The following TBR1 variants were observed in gnomAD, a reference collection of about 807,000 sequenced individuals.
The protein encoded by TBR1 is T-box brain transcription factor 1.
TBR1 carries 7 observed loss-of-function variants against 60.3 expected under a neutral mutation model. The ratio of observed to expected loss-of-function variants is 0.12; its 90% CI spans 0.07 to 0.22. The LOEUF (loss-of-function observed/expected upper bound fraction) is 0.22, where lower values mean the gene tolerates loss of function less well. Among genes scored for constraint, TBR1 ranks in the 10% least tolerant of loss-of-function variants. The probability of loss-of-function intolerance (pLI) is 1.00; values close to 1 mark genes in which losing one functional copy is unlikely to be tolerated. For synonymous variants in TBR1, 417 were observed against 409.9 expected (o/e 1.02, Z -0.21); for missense variants, 616 against 936.8 (o/e 0.66, Z 4.47).
rs1574148619 is a variant in TBR1, at chr2:161,416,300, T to C, written c.-111T>C. On this transcript the variant is annotated 5_prime_UTR_variant, in exon 1 of 6. Coordinates refer to ENST00000389554, the MANE Select transcript of TBR1 (RefSeq NM_006593.4). This position sits in a 1 kb window ranked among gnomAD's most constrained non-coding sequence, Gnocchi z 6.1. ...GTAAATCAAACCTTTGAGAAGCATT[T>C]GCTGGTTGAAGTGCTTTCTGTCTAG... is the stretch of plus-strand genomic sequence containing the variant. 6 of 880,378 alleles carry C rather than the reference T, an allele frequency of 6.8e-6. No individual in the cohort carries two copies. Among genetic ancestry groups the C allele is most frequent in the East Asian group, 2.5e-5 (1 of 40,528 alleles). 54.5% of individuals were successfully genotyped at this position (880,378 alleles called of 1,614,324 possible).
rs888255357 is a variant in TBR1 at position 161,424,322 on chromosome 2, G to T, written c.*95G>T. On this transcript the variant is annotated 3_prime_UTR_variant, in exon 6 of 6. Transcript: ENST00000389554. This position sits in a 1 kb window ranked among gnomAD's most constrained non-coding sequence, Gnocchi z 4.4. ...TCCGCCTCCCCACACTCCTCCTTGC[G>T]CACCCACTCATTTTATTTGACCCTC... is the stretch of plus-strand genomic sequence containing the variant. 7 of 1,326,602 alleles carry T rather than the reference G, an allele frequency of 5.3e-6. No individual in the cohort carries two copies. Among genetic ancestry groups the T allele is most frequent in the Non-Finnish European group, 7.1e-6 (7 of 981,858 alleles). The allele number at this position is 1,326,602 out of a possible 1,614,324, so 82.2% of individuals were successfully genotyped here.
At chr2:161,420,316 G>A in intron 5 of TBR1, 59 bp downstream of exon 5, 3 of 1,430,856 alleles carry the variant, frequency 2.1e-6, no homozygotes, top group Non-Finnish European at 2.9e-6. Context: ...TAGGTCAAAG[G>A]TGTATTATTA....
At position 161,416,517 on chromosome 2, in the gene TBR1, A is replaced by G. The variant is rs1286230789; in HGVS notation, c.107A>G (p.Asp36Gly). 3 of 1,614,140 alleles carry G rather than the reference A, an allele frequency of 1.9e-6. No homozygotes were observed. Among genetic ancestry groups the G allele is most frequent in the Non-Finnish European group, 2.5e-6 (3 of 1,180,038 alleles). Residue 36 changes from aspartate to glycine, a missense_variant, in exon 1 of 6, where the codon GAT (aspartate) becomes GGT (glycine). Around this residue, in one of 8 missense-constraint regions of TBR1, gnomAD observed 211 missense variants for 268.7 expected, o/e 0.79. Transcript: ENST00000389554. This position sits in a 1 kb window ranked among gnomAD's most constrained non-coding sequence, Gnocchi z 6.1. ...GGCGGATCCGAGCTTGTCTTGCACG[A>G]TCATCCCATTATCTCGACCACTGAC... ...HSGGSELVLH[D>G]HPIISTTDNL...
chr2:161,417,548 A>C lies in TBR1; in HGVS notation c.693-128A>C, dbSNP rs1173546685. On this transcript the variant is annotated intron_variant, in intron 1 of 5. Transcript: ENST00000389554. The surrounding 1 kb of genome is among the most constrained non-coding windows in gnomAD (Gnocchi z 5.3). ...CCACCACCCTTTTTCTAATCCAGCA[A>C]ATATTCGCCTATTTGCTGCAAGTAC... is the stretch of plus-strand genomic sequence containing the variant. 8.2e-7 allele frequency: 1 copy of C among 1,214,080 alleles called. No homozygotes were observed. The highest frequency in any genetic ancestry group is 1.2e-6 in the Non-Finnish European group (1 of 866,928). The allele number at this position is 1,214,080 out of a possible 1,614,324, so 75.2% of individuals were successfully genotyped here.
chr2:161,417,364 G>T lies in TBR1; in HGVS notation c.692+262G>T. 1.8e-6 allele frequency: 1 copy of T among 561,356 alleles called. No individual in the cohort carries two copies. The highest frequency in any genetic ancestry group is 3.1e-6 in the Non-Finnish European group (1 of 322,884). The allele number at this position is 561,356 out of a possible 1,614,324, so 34.8% of individuals were successfully genotyped here. ...AGAAAAAGGAAGAGCCCTGGCCAGC[G>T]GCTGGGCGATGGGAGGGACGCATCA... On this transcript the variant is annotated intron_variant, in intron 1 of 5. Transcript: ENST00000389554. The surrounding 1 kb of genome is among the most constrained non-coding windows in gnomAD (Gnocchi z 5.3).
Position 161,420,183 on chromosome 2 carries a change from T to C in TBR1, c.1129-13T>C. 6.2e-7 allele frequency: 1 copy of C among 1,611,754 alleles called. No individual in the cohort carries two copies. Among genetic ancestry groups the C allele is most frequent in the Non-Finnish European group, 8.5e-7 (1 of 1,178,582 alleles). ...TAAAAGGTGAGATAACATTCATTTT[T>C]TTTCTTTGCCAGATTACACAACTGA... is the stretch of plus-strand genomic sequence containing the variant. On this transcript the variant is annotated splice_polypyrimidine_tract_variant and intron_variant, in intron 4 of 5. Transcript: ENST00000389554.
At position 161,417,334 on chromosome 2, in the gene TBR1, A is replaced by C. The variant is rs867561969; in HGVS notation, c.692+232A>C. ...GGAGAGCCAGTCAGTGGCCAGAGGA[A>C]GGCAAGAAAAAGGAAGAGCCCTGGC... is the stretch of plus-strand genomic sequence containing the variant. On this transcript the variant is annotated intron_variant, in intron 1 of 5. Transcript: ENST00000389554. The surrounding 1 kb of genome is among the most constrained non-coding windows in gnomAD (Gnocchi z 5.3). The C allele has an allele frequency of 4.8e-5, 28 of 583,128 alleles. No individual in the cohort carries two copies. The Middle Eastern group carries it at 1.4e-3, about 29-fold the overall frequency. 36.1% of individuals were successfully genotyped at this position (583,128 alleles called of 1,614,324 possible).
intron 5 of TBR1, 186 bp from the exon 6 acceptor site, chr2:161,423,183 A>G: frequency 2.2e-6 from 1 of 445,352 alleles, no homozygotes; most frequent in Non-Finnish European, 3.9e-6. Context: ...TCCGTGATTT[A>G]TTTTGGGAAT....
At position 161,416,747 on chromosome 2, in the gene TBR1, C is replaced by G. The variant is rs2105278332; in HGVS notation, c.337C>G (p.Pro113Ala). ...DRYLLSQSSQ[P>A]QSAATAPSAM... ...CTACCTCCTCTCTCAGTCCAGCCAG[C>G]CACAGTCTGCGGCCACTGCTCCCAG... Residue 113 changes from proline (P) to alanine (A), a missense_variant, in exon 1 of 6, where the codon CCA (proline) becomes GCA (alanine). Physicochemically the swap from Pro to Ala is conservative, Grantham distance 27. Coordinates refer to ENST00000389554, the MANE Select transcript of TBR1 (RefSeq NM_006593.4). The surrounding 1 kb of genome is among the most constrained non-coding windows in gnomAD (Gnocchi z 6.1). 1 of 1,614,184 alleles carries G rather than the reference C, an allele frequency of 6.2e-7. No homozygotes were observed. The highest frequency in any genetic ancestry group is 8.5e-7 in the Non-Finnish European group (1 of 1,180,028).
chr2:161,417,341 A>G lies in TBR1; in HGVS notation c.692+239A>G, dbSNP rs1194756176. The G allele has an allele frequency of 1.7e-6, 1 of 575,526 alleles. No individual in the cohort carries two copies. The allele number at this position is 575,526 out of a possible 1,614,324, so 35.7% of individuals were successfully genotyped here. A position where few individuals can be genotyped will look rare whatever the true frequency, so the allele number is the denominator to read the frequency against. ...CAGTCAGTGGCCAGAGGAAGGCAAG[A>G]AAAAGGAAGAGCCCTGGCCAGCGGC... On this transcript the variant is annotated intron_variant, in intron 1 of 5. Coordinates refer to ENST00000389554, the MANE Select transcript of TBR1 (RefSeq NM_006593.4). The surrounding 1 kb of genome is among the most constrained non-coding windows in gnomAD (Gnocchi z 5.3).
At chr2:161,423,339 G>GCT (rs139857158) in intron 5 of TBR1, 30 bp from the exon 6 acceptor site, 1,352 of 1,040,596 alleles carry the variant, frequency 1.3e-3, no homozygotes, top group South Asian at 1.9e-3. Context: ...CCACCCCTCG[G>GCT]CTCTCTCTCT....
chr2:161,419,369 T>TA (rs3835937), intron 4 of TBR1: 42 of 196,468 alleles, frequency 2.1e-4, no homozygotes, highest in Middle Eastern at 1.8e-3. Flanking sequence ...AAATCTACTT[T>TA]AAAAAAAAAT....
chr2:161,423,806 C>T lies in TBR1; in HGVS notation c.1628C>T (p.Ser543Leu). ...CCGCTCGGCTACTACGCCGACCCGT[C>T]GGGCTGGGGCGCCCGCAGTCCCCCG... ...GRPLGYYADP[S>L]GWGARSPPQY... Residue 543 changes from serine to leucine, a missense_variant, in exon 6 of 6, where the codon TCG (serine) becomes TTG (leucine). Coordinates refer to ENST00000389554, the MANE Select transcript of TBR1 (RefSeq NM_006593.4). 1 of 1,475,600 alleles carries T rather than the reference C, an allele frequency of 6.8e-7. No homozygotes were observed. The highest frequency in any genetic ancestry group is 8.9e-7 in the Non-Finnish European group (1 of 1,118,208). The allele number at this position is 1,475,600 out of a possible 1,614,324, so 91.4% of individuals were successfully genotyped here.
chr2:161,416,950 C>T lies in TBR1; in HGVS notation c.540C>T (p.Tyr180=), dbSNP rs768381626. Residue 180 remains tyrosine (Y), a synonymous_variant, in exon 1 of 6, where the codon TAC becomes TAT. Coordinates refer to ENST00000389554, the MANE Select transcript of TBR1 (RefSeq NM_006593.4). The surrounding 1 kb of genome is among the most constrained non-coding windows in gnomAD (Gnocchi z 6.1). ...CCGGCTACCCCTACCCACAGCAGTA[C>T]GGCCACTCCTACCAAGGAGCTCCGT... ...PTAGYPYPQQ[Y]GHSYQGAPFY... 13 of 1,614,194 alleles carry T rather than the reference C, an allele frequency of 8.1e-6. No homozygotes were observed. In the Middle Eastern group the frequency reaches 1.8e-3, roughly 225 times the overall value.
At chr2:161,418,684 C>T in intron 3 of TBR1, 4 of 681,414 alleles carry the variant, frequency 5.9e-6, no homozygotes, top group Non-Finnish European at 9.3e-6. Flanking sequence ...TTCCGGTGCC[C>T]CGGCTTATCT....
Position 161,424,003 on chromosome 2 carries a change from C to T in TBR1, c.1825C>T (p.Leu609=). 3 of 1,571,872 alleles carry T rather than the reference C, an allele frequency of 1.9e-6. No individual in the cohort carries two copies. In the South Asian group the frequency reaches 3.5e-5, roughly 18 times the overall value. The change falls in exon 6 of 6, where the codon CTG becomes TTG. Residue 609 remains leucine (L), a synonymous_variant. Transcript: ENST00000389554. The surrounding 1 kb of genome is among the most constrained non-coding windows in gnomAD (Gnocchi z 4.4). ...GAAEDAKPKD[L]SDSSWIETPS... is the part of the protein sequence containing the mutation. ...CGCCGAGGACGCCAAGCCCAAGGAC[C>T]TGTCCGATTCCAGCTGGATCGAGAC...
chr2:161,420,013 T>G (rs553247697), intron 4 of TBR1, 183 bp from the exon 5 acceptor site: 1 of 447,988 alleles, frequency 2.2e-6, no homozygotes, highest in East Asian at 3.7e-5. Context: ...TCCTCATAAC[T>G]TTCATGATAC....
In TBR1 at chr2:161,416,383, G is replaced by T; in HGVS notation, c.-28G>T. The T allele has an allele frequency of 6.6e-7, 1 of 1,521,754 alleles. No homozygotes were observed. Among genetic ancestry groups the T allele is most frequent in the South Asian group, 1.3e-5 (1 of 76,256 alleles). The allele number at this position is 1,521,754 out of a possible 1,614,324, so 94.3% of individuals were successfully genotyped here. The stretch of plus-strand genomic sequence containing the variant: ...AATAGGACTTTAAAAACCAGGGACG[G>T]GAGGGCGAGTGTTCAGGTTCTAGAG... On this transcript the variant is annotated 5_prime_UTR_variant, in exon 1 of 6. Transcript: ENST00000389554. This position sits in a 1 kb window ranked among gnomAD's most constrained non-coding sequence, Gnocchi z 6.1.
At position 161,417,459 on chromosome 2, in the gene TBR1, G is replaced by A; in HGVS notation, c.693-217G>A. The stretch of plus-strand genomic sequence containing the variant: ...GCTCTCCACCTGGGCAGTGATAACT[G>A]CCACCTTCCCACTCCAGCTCACCCG... On this transcript the variant is annotated intron_variant, in intron 1 of 5. Transcript: ENST00000389554. This position sits in a 1 kb window ranked among gnomAD's most constrained non-coding sequence, Gnocchi z 5.3. 1 of 643,636 alleles carries A rather than the reference G, an allele frequency of 1.6e-6. No homozygotes were observed. The highest frequency in any genetic ancestry group is 2.6e-6 in the Non-Finnish European group (1 of 385,336). The allele number at this position is 643,636 out of a possible 1,614,324, so 39.9% of individuals were successfully genotyped here.
Sources: gnomAD v4.1 joint callset for allele counts on GRCh38, gnomAD v4.1.1 for gene constraint, gnomAD v4.1.1 regional missense constraint, Gnocchi (gnomAD v3.1) non-coding constraint, MANE v1.5 for transcripts, NCBI Gene and HGNC (gene_info 2026-07-23, HGNC 2026-07-21) for gene names.